Variants in PRPSAP2 observed in about 807,000 individuals in gnomAD.
PRPSAP2 encodes phosphoribosyl pyrophosphate synthase-associated protein 2.
In PRPSAP2, 24 loss-of-function variants were observed where a neutral mutation model predicts 40.6. That is an observed-to-expected ratio of 0.59 (90% CI 0.43 to 0.83). The LOEUF (loss-of-function observed/expected upper bound fraction) is 0.83. PRPSAP2 is among the 40% of genes least tolerant of loss of function. PRPSAP2 has a pLI of 0.00. For synonymous variants in PRPSAP2, 149 were observed against 164.7 expected, an observed-to-expected ratio of 0.90 and a Z score of 0.73; for missense variants, 292 against 465.6, an observed-to-expected ratio of 0.63 and a Z score of 3.43.
intron 8 of PRPSAP2, among the ~76,000 whole-genome samples, chr17:18,902,579 G>T (rs1206616572): frequency 6.6e-6 from 1 of 151,976 alleles, no homozygotes; most frequent in Non-Finnish European, 1.5e-5. Context: ...GGCCAAATAT[G>T]ATTGAAATTG....
At chr17:18,867,381 G>A in intron 4 of PRPSAP2, 47 bp downstream of exon 4, 1 of 1,574,334 alleles carries the variant, frequency 6.4e-7, no homozygotes, top group Non-Finnish European at 8.7e-7. Context: ...TGTGAAATGT[G>A]GCATATTGGC....
chr17:18,887,233 G>C (rs962172099), intron 7 of PRPSAP2, among the ~76,000 whole-genome samples: 1 of 151,854 alleles, frequency 6.6e-6, no homozygotes. Context: ...ACCGTGCCCG[G>C]CTTGATAATT....
intron 10 of PRPSAP2, chr17:18,928,200 TGGGTTTAAAA>T (rs1319615375): frequency 1.9e-5 from 3 of 158,056 alleles, no homozygotes; most frequent in African/African-American, 7.2e-5. Context: ...GATGCCATAA[TGGGTTTAAAA>T]TAACTCTGGG....
rs746435131 is a variant in PRPSAP2 at position 18,911,194 on chromosome 17, C to A, written c.676C>A (p.His226Asn). ...CGAGTCGGACTTGGTGGATGGACGGCATTCCCCACCCATGGTCAGAAGTGT... is the reference window on the plus strand; with the variant it reads ...CGAGTCGGACTTGGTGGATGGACGGAATTCCCCACCCATGGTCAGAAGTGT... ...DAESDLVDGR[H>N]SPPMVRSVAA... The change falls in exon 9 of 12, where the codon CAT becomes AAT. Residue 226 changes from histidine to asparagine, a missense_variant. This residue lies in a region of PRPSAP2 where 241 missense variants were observed against 425.7 expected (regional missense o/e 0.57). Coordinates refer to ENST00000268835, the MANE Select transcript of PRPSAP2 (RefSeq NM_002767.4). This position sits in a 1 kb window ranked among gnomAD's most constrained non-coding sequence, Gnocchi z 4.5. 1 of 1,613,808 alleles carries A rather than the reference C, an allele frequency of 6.2e-7. No individual in the cohort carries two copies. The highest frequency in any genetic ancestry group is 8.5e-7 in the Non-Finnish European group (1 of 1,179,880).
intron 8 of PRPSAP2, among the ~76,000 whole-genome samples, chr17:18,890,542 A>G (rs2039477379): frequency 6.6e-6 from 1 of 151,994 alleles, no homozygotes; most frequent in African/African-American, 2.4e-5. Flanking sequence ...ACTGAGGCTC[A>G]AACGATCCAC....
intron 8 of PRPSAP2, chr17:18,908,892 C>T (rs1407275976): frequency 6.0e-6 from 3 of 497,434 alleles, no homozygotes; most frequent in African/African-American, 2.0e-5. Context: ...TCCTTTTCCT[C>T]CCTTTCCTTT....
In PRPSAP2 at chr17:18,926,757, T is replaced by C. The variant is rs143254665; in HGVS notation, c.805-2054T>C. Reference sequence around the variant, plus strand: ...ACAGAGGTCCTTCAGACAGCACCAGTTGTGCATGTAGTGAGTGTGAGTGTG... The same window carrying C: ...ACAGAGGTCCTTCAGACAGCACCAGCTGTGCATGTAGTGAGTGTGAGTGTG... On this transcript the variant is annotated intron_variant, in intron 10 of 11. Transcript: ENST00000268835. 5.9e-3 allele frequency among the ~76,000 whole-genome samples: 769 copies of C among 131,132 alleles called. 6 individuals carry two copies. The highest frequency in any genetic ancestry group is 9.1e-3 in the Non-Finnish European group (528 of 58,254). The allele number at this position is 131,132 out of a possible 152,430, so 86.0% of individuals were successfully genotyped here. A position where few individuals can be genotyped will look rare whatever the true frequency, so the allele number is the denominator to read the frequency against.
chr17:18,905,892 A>G (rs2040557276), intron 8 of PRPSAP2, among the ~76,000 whole-genome samples: 1 of 152,064 alleles, frequency 6.6e-6, no homozygotes, highest in Admixed American at 6.6e-5. Context: ...CACTCTCTTG[A>G]TAATTTTTTA....
intron 2 of PRPSAP2, 53 bp from the exon 3 acceptor site, chr17:18,865,749 C>T: frequency 3.4e-6 from 4 of 1,171,042 alleles, no homozygotes; most frequent in Non-Finnish European, 4.4e-6. Context: ...AAAATTCATT[C>T]AGGTATATTT....
rs151310990 is a variant in PRPSAP2 at position 18,878,938 on chromosome 17, C to T, written c.412+1068C>T. Among the ~76,000 whole-genome samples, 568 of 151,242 alleles carry T rather than the reference C, an allele frequency of 3.8e-3. 4 individuals carry two copies. Among genetic ancestry groups the T allele is most frequent in the African/African-American group, 0.013 (535 of 41,202 alleles). ...AGGCTGGAGTGCAGTGGTGGCACCT[C>T]GGCTCACTGCAACCACTGTCTCCTG... On this transcript the variant is annotated intron_variant, in intron 6 of 11. Coordinates refer to ENST00000268835, the MANE Select transcript of PRPSAP2 (RefSeq NM_002767.4).
At chr17:18,906,602 G>A (rs1475321090) in intron 8 of PRPSAP2, among the ~76,000 whole-genome samples, 4 of 152,182 alleles carry the variant, frequency 2.6e-5, no homozygotes, top group South Asian at 2.1e-4. Context: ...CCATTCTCCT[G>A]CCTTCGTCTC....
intron 6 of PRPSAP2, among the ~76,000 whole-genome samples, chr17:18,882,052 G>A (rs2038794264): frequency 6.9e-6 from 1 of 145,604 alleles, no homozygotes; most frequent in South Asian, 2.2e-4. Context: ...TATTGGTCAG[G>A]CTGGCGTTGA....
At chr17:18,868,404 G>A (rs755796847) in intron 4 of PRPSAP2, among the ~76,000 whole-genome samples, 8 of 151,982 alleles carry the variant, frequency 5.3e-5, no homozygotes, top group Middle Eastern at 3.2e-3. Context: ...GAACCCGGGC[G>A]GTGGAGGTTG....
intron 8 of PRPSAP2, among the ~76,000 whole-genome samples, chr17:18,896,580 C>CTTTTTT (rs58391876): frequency 2.3e-3 from 243 of 104,712 alleles, no homozygotes; most frequent in Non-Finnish European, 2.9e-3. Context: ...CCAGATTTTC[C>CTTTTTT]TTTTTTTTTT....
chr17:18,925,885 G>A (rs548801073), intron 10 of PRPSAP2, among the ~76,000 whole-genome samples: 9 of 152,238 alleles, frequency 5.9e-5, no homozygotes, highest in African/African-American at 2.2e-4. Context: ...GCCGAGACGG[G>A]TGTAGGTCAG....
In PRPSAP2 at chr17:18,863,657, C is replaced by A. The variant is rs575821193; in HGVS notation, c.-128-1812C>A. On this transcript the variant is annotated intron_variant, in intron 1 of 11. Transcript: ENST00000268835. Reference sequence around the variant, plus strand: ...ATGCCATTCTTCTGCCTCAGCCTCCCGATTAGCTGGGACTACAGGCACCTG... The same window carrying A: ...ATGCCATTCTTCTGCCTCAGCCTCCAGATTAGCTGGGACTACAGGCACCTG... Among the ~76,000 whole-genome samples, 9 of 151,100 alleles carry A rather than the reference C, an allele frequency of 6.0e-5. No homozygotes were observed. The South Asian group carries it at 1.5e-3, about 25-fold the overall frequency.
At chr17:18,881,175 TAAAA>T (rs35446593) in intron 6 of PRPSAP2, among the ~76,000 whole-genome samples, 1 of 145,608 alleles carries the variant, frequency 6.9e-6, no homozygotes, top group East Asian at 2.0e-4. Flanking sequence ...CTCACAGTAC[TAAAA>T]AAAAAAAAAT....
At chr17:18,865,094 C>T (rs1325271529) in intron 1 of PRPSAP2, among the ~76,000 whole-genome samples, 1 of 152,200 alleles carries the variant, frequency 6.6e-6, no homozygotes, top group South Asian at 2.1e-4. Context: ...ATCTGCCTGC[C>T]TTGGCTTCCC....
At chr17:18,897,117 G>A (rs1213446884) in intron 8 of PRPSAP2, among the ~76,000 whole-genome samples, 1 of 151,822 alleles carries the variant, frequency 6.6e-6, no homozygotes, top group African/African-American at 2.4e-5. Context: ...CACCATGCCT[G>A]GCTAATTCTC....
Sources: allele counts gnomAD v4.1 joint callset (sites outside exome capture counted in the v4.1 genomes callset), GRCh38; gene constraint gnomAD v4.1.1; regional missense constraint gnomAD v4.1.1; non-coding constraint Gnocchi (gnomAD v3.1); transcripts MANE v1.5; gene names NCBI Gene and HGNC (gene_info 2026-07-23, HGNC 2026-07-21).